Variants in FRMD4B observed in about 807,000 individuals in gnomAD.
FRMD4B encodes FERM domain-containing protein 4B.
In FRMD4B, 74 loss-of-function variants were observed where a neutral mutation model predicts 141.5. That is an observed-to-expected ratio of 0.52 (90% CI 0.43 to 0.63). The LOEUF (loss-of-function observed/expected upper bound fraction) is 0.63, where lower values mean the gene tolerates loss of function less well. FRMD4B is among the 30% of genes least tolerant of loss of function. The pLI, the probability that FRMD4B is intolerant of heterozygous loss-of-function variation, is 0.00. For synonymous variants in FRMD4B, 506 were observed against 467.9 expected, an observed-to-expected ratio of 1.08 and a Z score of -1.05; for missense variants, 1,366 against 1,253.4, an observed-to-expected ratio of 1.09 and a Z score of -1.36.
chr3:69,260,253 G>A (rs932490001), intron 5 of FRMD4B, among the ~76,000 whole-genome samples: 3 of 152,180 alleles, frequency 2.0e-5, no homozygotes, highest in South Asian at 2.1e-4. Flanking sequence ...CTCTGCTTGC[G>A]GGGAGGTGTG....
chr3:69,355,384 A>T (rs1703283013), intron 1 of FRMD4B, among the ~76,000 whole-genome samples: 1 of 152,198 alleles, frequency 6.6e-6, no homozygotes, highest in African/African-American at 2.4e-5. Flanking sequence ...CTTGTTTGGA[A>T]GGTGGGGAAT....
upstream of FRMD4B, chr3:69,386,163 C>G (rs1426994445): frequency 1.7e-6 from 1 of 601,536 alleles, no homozygotes; most frequent in Non-Finnish European, 2.8e-6. Flanking sequence ...GCGGCATGCC[C>G]TGGGATTGGG....
intron 1 of FRMD4B, among the ~76,000 whole-genome samples, chr3:69,510,186 C>T (rs1706667084): frequency 6.6e-6 from 1 of 151,930 alleles, no homozygotes. Flanking sequence ...CTATAGAATA[C>T]TTAGTATATA....
intron 4 of FRMD4B, among the ~76,000 whole-genome samples, chr3:69,288,448 A>G (rs937634012): frequency 6.6e-6 from 1 of 152,218 alleles, no homozygotes; most frequent in Non-Finnish European, 1.5e-5. Flanking sequence ...TCTCATGCAA[A>G]TCAGGGTATT....
At chr3:69,424,984 A>G (rs1249152777) in intron 2 of FRMD4B, among the ~76,000 whole-genome samples, 2 of 152,068 alleles carry the variant, frequency 1.3e-5, no homozygotes, top group African/African-American at 2.4e-5. Flanking sequence ...CCTACCCGCA[A>G]CCCTCTGCTT....
chr3:69,430,063 G>C (rs1217609071), intron 2 of FRMD4B, among the ~76,000 whole-genome samples: 1 of 152,008 alleles, frequency 6.6e-6, no homozygotes, highest in Non-Finnish European at 1.5e-5. Context: ...GCCCGGGCCT[G>C]GATGACTCTT....
chr3:69,312,032 T>G (rs1209534673), intron 2 of FRMD4B, among the ~76,000 whole-genome samples: 1 of 152,152 alleles, frequency 6.6e-6, no homozygotes. Flanking sequence ...AAGCCTAAGC[T>G]TTTCCTTCCT....
Position 69,536,127 on chromosome 3 carries a change from C to A in FRMD4B, c.-129+6079G>T, listed in dbSNP as rs1170193366. ...TGCTTGCCGGCCTTCTCTGTGGCTGCACCTGGCTTGGGAGGAGCCTTCTGC... is the reference window on the plus strand; with the variant it reads ...TGCTTGCCGGCCTTCTCTGTGGCTGAACCTGGCTTGGGAGGAGCCTTCTGC... On this transcript the variant is annotated intron_variant, in intron 1 of 5. Transcript: ENST00000459638. The A allele has an allele frequency of 6.1e-6, 3 of 490,844 alleles. No individual in the cohort carries two copies. In the Admixed American group the frequency reaches 1.0e-4, roughly 16 times the overall value. 30.4% of individuals were successfully genotyped at this position (490,844 alleles called of 1,614,324 possible).
intron 1 of FRMD4B, among the ~76,000 whole-genome samples, chr3:69,370,272 T>C (rs1367931599): frequency 6.6e-6 from 1 of 152,090 alleles, no homozygotes; most frequent in Admixed American, 6.5e-5. Context: ...CGGTCTGAAA[T>C]GTCTGTCAGG....
intron 1 of FRMD4B, among the ~76,000 whole-genome samples, chr3:69,384,977 C>G (rs547859549): frequency 4.0e-4 from 61 of 151,786 alleles, no homozygotes; most frequent in African/African-American, 1.4e-3. Context: ...CAGTAGACAC[C>G]AAGTATATTT....
intron 4 of FRMD4B, among the ~76,000 whole-genome samples, chr3:69,296,036 C>T (rs1701025276): frequency 6.6e-6 from 1 of 151,986 alleles, no homozygotes; most frequent in African/African-American, 2.4e-5. Context: ...AGGCTGTTCT[C>T]GAACTCCTGA....
intron 1 of FRMD4B, among the ~76,000 whole-genome samples, chr3:69,361,864 C>T (rs2107465609): frequency 6.6e-6 from 1 of 152,236 alleles, no homozygotes; most frequent in South Asian, 2.1e-4. Context: ...GTTTTCATTT[C>T]TCTTGAATAA....
At chr3:69,303,646 G>A (rs745981173) in intron 3 of FRMD4B, among the ~76,000 whole-genome samples, 7 of 152,190 alleles carry the variant, frequency 4.6e-5, no homozygotes, top group Non-Finnish European at 1.0e-4. Context: ...CACACAGGCT[G>A]GGTGTGGTGG....
chr3:69,251,572 C>T (rs1480560339), intron 5 of FRMD4B, among the ~76,000 whole-genome samples: 5 of 152,154 alleles, frequency 3.3e-5, no homozygotes, highest in African/African-American at 1.2e-4. Flanking sequence ...AAGATGAAAA[C>T]AAGTTAATTT....
intron 11 of FRMD4B, chr3:69,199,181 A>C (rs538246361): frequency 6.0e-6 from 1 of 166,308 alleles, no homozygotes; most frequent in East Asian, 1.7e-4. Flanking sequence ...CTGAGGCAGG[A>C]GAATGGCGTG....
intron 19 of FRMD4B, among the ~76,000 whole-genome samples, chr3:69,184,848 T>A (rs1214795650): frequency 6.6e-6 from 1 of 152,192 alleles, no homozygotes; most frequent in Admixed American, 6.5e-5. Context: ...CTAGCATGAC[T>A]GAGGAACCAA....
At chr3:69,218,823 A>G (rs2093165852) in intron 9 of FRMD4B, among the ~76,000 whole-genome samples, 1 of 152,202 alleles carries the variant, frequency 6.6e-6, no homozygotes. Flanking sequence ...CTAGAAATAT[A>G]TACTTTAAAA....
At chr3:69,342,586 ACTGC>A in intron 1 of FRMD4B, among the ~76,000 whole-genome samples, 1 of 152,194 alleles carries the variant, frequency 6.6e-6, no homozygotes, top group Non-Finnish European at 1.5e-5. Flanking sequence ...AACAAAAGTA[ACTGC>A]CACTTATTAG....
intron 1 of FRMD4B, among the ~76,000 whole-genome samples, chr3:69,314,044 C>T (rs1701706191): frequency 7.4e-6 from 1 of 135,866 alleles, no homozygotes; most frequent in Admixed American, 8.1e-5. Context: ...GAGGCTGAGG[C>T]AGGAGAATGG....
Sources: allele counts gnomAD v4.1 joint callset (sites outside exome capture counted in the v4.1 genomes callset), GRCh38; gene constraint gnomAD v4.1.1; transcripts MANE v1.5; gene names NCBI Gene and HGNC (gene_info 2026-07-23, HGNC 2026-07-21).